Variants in TRMT2B observed in about 807,000 individuals in gnomAD.
TRMT2B encodes the protein tRNA methyltransferase 2B.
TRMT2B carries 34 observed loss-of-function variants against 39.7 expected under a neutral mutation model. The ratio of observed to expected loss-of-function variants is 0.86; its 90% CI spans 0.65 to 1.14. The LOEUF (loss-of-function observed/expected upper bound fraction) is 1.14, where lower values mean the gene tolerates loss of function less well. TRMT2B is among the 50% of genes most tolerant of loss of function. The pLI is 0.00. For synonymous variants in TRMT2B, 132 were observed against 137.3 expected (o/e 0.96, Z 0.27); for missense variants, 318 against 377.2 (o/e 0.84, Z 1.30).
chrX:100,987,580 T>C, the TRMT2B span: 4 of 1,203,158 alleles, frequency 3.3e-6, no homozygotes, highest in Non-Finnish European at 4.5e-6. Context: ...GCTATGAGAT[T>C]TGCTGATAAG....
At chrX:100,982,649 CTTT>C in the TRMT2B span, among the ~76,000 whole-genome samples, 4 of 84,493 alleles carry the variant, frequency 4.7e-5, no homozygotes, top group Non-Finnish European at 6.8e-5. Flanking sequence ...CTACAGTTTT[CTTT>C]TTTTTTTTTT....
At chrX:101,029,696 C>T (rs1268212961) in intron 7 of TRMT2B, among the ~76,000 whole-genome samples, 1 of 111,463 alleles carries the variant, frequency 9.0e-6, no homozygotes, top group Non-Finnish European at 1.9e-5. Context: ...AATGAAAGAA[C>T]AAAGATAATG....
In TRMT2B at chrX:101,041,196, T is replaced by A. The variant is rs1044815554; in HGVS notation, c.303+121A>T. On this transcript the variant is annotated intron_variant, in intron 4 of 13. Transcript: ENST00000372936. The stretch of plus-strand genomic sequence containing the variant: ...TGCAGCCTGGGCGACAGAGCGAGAC[T>A]CCATCTCAAAAAAACTTAAAATTAA... 8 of 584,241 alleles carry A rather than the reference T, an allele frequency of 1.4e-5. No individual in the cohort carries two copies. The African/African-American group carries it at 1.9e-4, about 14-fold the overall frequency. 48.1% of individuals were successfully genotyped at this position (584,241 alleles called of 1,213,427 possible).
chrX:100,987,459 C>G, the TRMT2B span: 1 of 1,209,263 alleles, frequency 8.3e-7, no homozygotes, highest in Non-Finnish European at 1.1e-6. Context: ...ACTGCGCTGG[C>G]TATTAGCTGT....
chrX:101,002,029 G>A, the TRMT2B span, among the ~76,000 whole-genome samples: 20,935 of 110,147 alleles, frequency 0.19, 1,547 homozygotes, highest in South Asian at 0.24. Flanking sequence ...AGTGGTGATG[G>A]GCTGGACGGA....
intron 7 of TRMT2B, among the ~76,000 whole-genome samples, chrX:101,023,871 G>A (rs2086917757): frequency 9.0e-6 from 1 of 110,523 alleles, no homozygotes; most frequent in Non-Finnish European, 1.9e-5. Context: ...TTTTTCAGAC[G>A]GAGTCTCACT....
the TRMT2B span, among the ~76,000 whole-genome samples, chrX:101,003,078 CT>C: frequency 0.42 from 36,424 of 87,687 alleles, 6,769 homozygotes; most frequent in African/African-American, 0.59. Context: ...CCATGCCAAG[CT>C]TTTTTTTTTT....
At chrX:101,036,058 C>T (rs1402281093) in intron 6 of TRMT2B, among the ~76,000 whole-genome samples, 2 of 111,913 alleles carry the variant, frequency 1.8e-5, no homozygotes, top group Admixed American at 9.6e-5. Flanking sequence ...CACGCCCTAA[C>T]GAACTGTAGT....
chrX:100,984,259 G>A, the TRMT2B span, among the ~76,000 whole-genome samples: 2 of 109,689 alleles, frequency 1.8e-5, no homozygotes, highest in East Asian at 2.8e-4. Flanking sequence ...GATTACAGGC[G>A]TGTGCCACCG....
chrX:100,988,861 T>TATATA, the TRMT2B span, among the ~76,000 whole-genome samples: 1 of 100,112 alleles, frequency 1.0e-5, no homozygotes, highest in Non-Finnish European at 2.0e-5. Context: ...CATATATATA[T>TATATA]ATATATATAT....
At chrX:101,018,037 C>G (rs1365874688) in intron 13 of TRMT2B, among the ~76,000 whole-genome samples, 2 of 111,611 alleles carry the variant, frequency 1.8e-5, no homozygotes, top group Non-Finnish European at 3.8e-5. Flanking sequence ...TCAAGACCAG[C>G]CTGGGCAACA....
the TRMT2B span, among the ~76,000 whole-genome samples, chrX:100,996,450 A>G: frequency 8.0e-5 from 9 of 112,291 alleles, no homozygotes; most frequent in African/African-American, 2.9e-4. Context: ...AAAATGTTTG[A>G]GGCAACAAAT....
intron 13 of TRMT2B, among the ~76,000 whole-genome samples, chrX:101,015,442 G>T (rs953978971): frequency 6.3e-5 from 7 of 111,337 alleles, no homozygotes; most frequent in African/African-American, 9.8e-5. Context: ...TCAAGCTTTT[G>T]TACTTTTGTC....
the TRMT2B span, among the ~76,000 whole-genome samples, chrX:100,998,343 C>T: frequency 1.9e-5 from 2 of 108,081 alleles, no homozygotes; most frequent in Admixed American, 2.0e-4. Context: ...GGAAAGCAGG[C>T]TATGACATTC....
At chrX:101,011,321 A>G (rs1172198262) in intron 13 of TRMT2B, among the ~76,000 whole-genome samples, 3 of 112,184 alleles carry the variant, frequency 2.7e-5, no homozygotes, top group African/African-American at 9.7e-5. Context: ...ACTGTAGACA[A>G]CTGTAACACA....
chrX:101,000,143 G>A, the TRMT2B span, among the ~76,000 whole-genome samples: 7 of 82,033 alleles, frequency 8.5e-5, no homozygotes, highest in Admixed American at 6.5e-4. Context: ...TTTTTGAGAT[G>A]AAGTTTTGCT....
chrX:101,032,136 A>T (rs2087508103), intron 7 of TRMT2B, among the ~76,000 whole-genome samples: 1 of 110,584 alleles, frequency 9.0e-6, no homozygotes, highest in African/African-American at 3.3e-5. Context: ...AAATACAAAA[A>T]TTAGCCAAGC....
intron 7 of TRMT2B, among the ~76,000 whole-genome samples, chrX:101,031,707 G>A (rs1463918608): frequency 3.2e-5 from 2 of 62,874 alleles, no homozygotes; most frequent in African/African-American, 1.9e-4. Context: ...AAACTCTGTC[G>A]TAGGAAAAAA....
intron 13 of TRMT2B, among the ~76,000 whole-genome samples, chrX:101,018,111 C>T (rs2086612174): frequency 9.0e-6 from 1 of 110,836 alleles, no homozygotes; most frequent in Non-Finnish European, 1.9e-5. Flanking sequence ...TAGGCCGATG[C>T]AGGAGGATCA....
Sources: gnomAD v4.1 joint callset for allele counts (sites outside exome capture counted in the v4.1 genomes callset) on GRCh38, gnomAD v4.1.1 for gene constraint, MANE v1.5 for transcripts, NCBI Gene and HGNC (gene_info 2026-07-23, HGNC 2026-07-21) for gene names.